The following PCDHA4 variants were observed in gnomAD, a reference collection of about 807,000 sequenced individuals.
PCDHA4 encodes protocadherin alpha 4, also known as protocadherin alpha-4.
Under a neutral mutation model 61.4 loss-of-function variants are expected in PCDHA4, and 49 were observed. The observed-to-expected ratio is 0.80, with a 90% confidence interval of 0.63 to 1.01. The LOEUF is 1.01. Among genes scored for constraint, PCDHA4 ranks in the 50% least tolerant of loss-of-function variants. PCDHA4 has a pLI of 0.00. For synonymous variants in PCDHA4, 590 were observed against 550.3 expected (o/e 1.07, Z -1.01); for missense variants, 1,254 against 1,235.8 (o/e 1.01, Z -0.22).
Position 140,928,590 on chromosome 5 carries a change from A to G in PCDHA4, c.2386-50359A>G, listed in dbSNP as rs78699363. The G allele has an allele frequency of 6.8e-4, 1,101 of 1,614,224 alleles. 1 individual carries two copies. Among genetic ancestry groups the G allele is most frequent in the Non-Finnish European group, 8.8e-4 (1,041 of 1,180,028 alleles). On this transcript the variant is annotated intron_variant, in intron 1 of 3. Coordinates refer to ENST00000530339, the MANE Select transcript of PCDHA4 (RefSeq NM_018907.4). ...CCTTGCCCAGAAATGGTTCTGTCCC[A>G]GTGGAAATTGTGCCCCGCTCTGCCA...
rs1279359347 is a variant in PCDHA4 at position 141,012,130 on chromosome 5, C to T, written c.*2193C>T. ...ACTGAAGCCCATGTATCTGACCTTA[C>T]GTGCCTTTTGAACTAGGAGAATCGG... On this transcript the variant is annotated 3_prime_UTR_variant, in exon 4 of 4. Coordinates refer to ENST00000530339, the MANE Select transcript of PCDHA4 (RefSeq NM_018907.4). The T allele has an allele frequency of 2.0e-5, 3 of 153,796 alleles. No individual in the cohort carries two copies. The highest frequency in any genetic ancestry group is 1.9e-4 in the East Asian group (1 of 5,172). 9.5% of individuals were successfully genotyped at this position (153,796 alleles called of 1,614,324 possible). A position where few individuals can be genotyped will look rare whatever the true frequency, so the allele number is the denominator to read the frequency against.
At chr5:140,892,616 G>A (rs781995267) in intron 1 of PCDHA4, among the ~76,000 whole-genome samples, 1 of 151,910 alleles carries the variant, frequency 6.6e-6, no homozygotes, top group Admixed American at 6.6e-5. Flanking sequence ...TTTATTTCCA[G>A]TTGGTACATA....
intron 1 of PCDHA4, among the ~76,000 whole-genome samples, chr5:140,908,828 A>C (rs1490004627): frequency 6.6e-6 from 1 of 152,176 alleles, no homozygotes; most frequent in Non-Finnish European, 1.5e-5. Context: ...GTTACTCGAT[A>C]AATGGGCTGG....
rs183321184 is a variant in PCDHA4 at position 140,907,756 on chromosome 5, C to G, written c.2386-71193C>G. 7.8e-3 allele frequency among the ~76,000 whole-genome samples: 1,193 copies of G among 152,264 alleles called. 22 individuals carry two copies. The highest frequency in any genetic ancestry group is 0.027 in the African/African-American group (1,101 of 41,546). On this transcript the variant is annotated intron_variant, in intron 1 of 3. Coordinates refer to ENST00000530339, the MANE Select transcript of PCDHA4 (RefSeq NM_018907.4). ...CCACCATGGCCACTTTGTTCATGGGCCCATTGGGTGATGACAGGGGTGGCT... is the reference window on the plus strand; with the variant it reads ...CCACCATGGCCACTTTGTTCATGGGGCCATTGGGTGATGACAGGGGTGGCT...
intron 1 of PCDHA4, chr5:140,966,633 C>G (rs2096029445): frequency 8.9e-6 from 9 of 1,005,802 alleles, no homozygotes; most frequent in Non-Finnish European, 5.4e-6. Flanking sequence ...CGGCCCCAGG[C>G]GCTTTCTAGA....
intron 1 of PCDHA4, among the ~76,000 whole-genome samples, chr5:140,953,230 A>G (rs782703084): frequency 2.0e-5 from 3 of 152,180 alleles, no homozygotes; most frequent in Non-Finnish European, 4.4e-5. Context: ...TCTGCTTGGT[A>G]GCAGTTCAAA....
chr5:140,821,597 A>G, intron 1 of PCDHA4: 1 of 699,876 alleles, frequency 1.4e-6, no homozygotes. Context: ...CCCAGCCTCA[A>G]AGGAATACAG....
rs781960345 is a variant in PCDHA4, at chr5:140,808,329, T to A, written c.1142T>A (p.Val381Asp). 6.2e-7 allele frequency: 1 copy of A among 1,614,258 alleles called. No individual in the cohort carries two copies. Among genetic ancestry groups the A allele is most frequent in the South Asian group, 1.1e-5 (1 of 91,086 alleles). The part of the protein sequence containing the change: ...LISVSDKDMG[V>D]NGLVTCSLTS... ...AGCGTGTCCGACAAAGACATGGGTG[T>A]CAATGGGCTGGTCACCTGCTCCTTG... The change falls in exon 1 of 4, where the codon GTC becomes GAC. Residue 381 changes from valine to aspartate, a missense_variant. Transcript: ENST00000530339.
chr5:140,897,999 G>A (rs1411789620), intron 1 of PCDHA4, among the ~76,000 whole-genome samples: 3 of 152,142 alleles, frequency 2.0e-5, no homozygotes, highest in East Asian at 1.9e-4. Context: ...TTTGAGAAGT[G>A]TCTGTTCATA....
chr5:140,868,478 A>AT (rs1444050987), intron 1 of PCDHA4: 1 of 152,364 alleles, frequency 6.6e-6, no homozygotes, highest in Admixed American at 6.5e-5. Context: ...TAAAACTTCA[A>AT]TTTTTTCTTT....
rs1554124116 is a variant in PCDHA4, at chr5:140,807,593, A to T, written c.406A>T (p.Thr136Ser). Residue 136 changes from threonine (T) to serine (S), a missense_variant, in exon 1 of 4, where the codon ACA (threonine) becomes TCA (serine). By Grantham distance (58) the Thr-to-Ser change is moderately conservative. Transcript: ENST00000530339. ...CGATAACCCGCCGGTGTTCCCAGCAACACAAAAGAACCTGTCCATCGCGGA... is the reference window on the plus strand; with the variant it reads ...CGATAACCCGCCGGTGTTCCCAGCATCACAAAAGAACCTGTCCATCGCGGA... The part of the protein sequence containing the change: ...INDNPPVFPA[T>S]QKNLSIAESR... The T allele has an allele frequency of 3.1e-6, 5 of 1,614,166 alleles. No individual in the cohort carries two copies. The highest frequency in any genetic ancestry group is 1.7e-5 in the Admixed American group (1 of 60,020).
Position 140,876,717 on chromosome 5 carries a change from C to T in PCDHA4, c.2385+67145C>T, listed in dbSNP as rs377702421. ...TGGTGCTGGACAGCGCCCTGGACCG[C>T]GAGAGCGTGTCGGCCTATGAGCTGG... On this transcript the variant is annotated intron_variant, in intron 1 of 3. Coordinates refer to ENST00000530339, the MANE Select transcript of PCDHA4 (RefSeq NM_018907.4). The T allele has an allele frequency of 3.7e-6, 6 of 1,614,118 alleles. No homozygotes were observed. The African/African-American group carries it at 5.3e-5, about 14-fold the overall frequency.
intron 1 of PCDHA4, chr5:140,821,671 C>T: frequency 2.3e-6 from 3 of 1,291,108 alleles, no homozygotes; most frequent in Non-Finnish European, 3.2e-6. Context: ...CCAAGAAGCT[C>T]AGAAAGGCGA....
At chr5:141,004,497 T>C (rs2098168493) in intron 3 of PCDHA4, among the ~76,000 whole-genome samples, 1 of 152,218 alleles carries the variant, frequency 6.6e-6, no homozygotes, top group South Asian at 2.1e-4. Context: ...TTGGCAGTCC[T>C]GCTGTGAGGG....
At chr5:140,863,709 C>G (rs537647529) in intron 1 of PCDHA4, 1 of 285,634 alleles carries the variant, frequency 3.5e-6, no homozygotes, top group East Asian at 9.1e-5. Context: ...TTAAAGTACA[C>G]TGGGGCCGGG....
chr5:140,841,226 G>C (rs892482314), intron 1 of PCDHA4: 17 of 1,452,002 alleles, frequency 1.2e-5, no homozygotes, highest in African/African-American at 2.9e-5. Flanking sequence ...GCCGAACAAC[G>C]GGAGATGCAG....
intron 1 of PCDHA4, chr5:140,823,932 G>A (rs782682917): frequency 2.5e-6 from 4 of 1,613,862 alleles, no homozygotes; most frequent in South Asian, 2.2e-5. Flanking sequence ...TGTACACCGC[G>A]CTGCGGTGCT....
At chr5:140,927,306 G>A (rs782091835) in intron 1 of PCDHA4, 1 of 1,614,158 alleles carries the variant, frequency 6.2e-7, no homozygotes, top group Admixed American at 1.7e-5. Flanking sequence ...AGTTCCTGAC[G>A]CCCGGAGCCC....
At chr5:140,829,744 G>A (rs2150173743) in intron 1 of PCDHA4, 30 of 1,613,564 alleles carry the variant, frequency 1.9e-5, no homozygotes, top group Admixed American at 1.8e-4. Flanking sequence ...ACGTGACGCT[G>A]CAGGTGTTCG....
Sources: gnomAD v4.1 joint callset for allele counts (sites outside exome capture counted in the v4.1 genomes callset) on GRCh38, gnomAD v4.1.1 for gene constraint, MANE v1.5 for transcripts, NCBI Gene and HGNC (gene_info 2026-07-23, HGNC 2026-07-21) for gene names.